The following SHISA9 variants were observed in gnomAD, a reference collection of about 807,000 sequenced individuals.
The protein encoded by SHISA9 is shisa family member 9.
In SHISA9, 13 loss-of-function variants were observed where a neutral mutation model predicts 38.0. That is an observed-to-expected ratio of 0.34 (90% confidence interval 0.22 to 0.54). The LOEUF is 0.54. Among genes scored for constraint, SHISA9 ranks in the 20% least tolerant of loss-of-function variants. SHISA9 has a pLI of 0.91. For synonymous variants in SHISA9, 275 were observed against 242.0 expected, an observed-to-expected ratio of 1.14 and a Z score of -1.27; for missense variants, 538 against 575.8, an observed-to-expected ratio of 0.93 and a Z score of 0.67.
chr16:13,494,010 A>G, the SHISA9 span, among the ~76,000 whole-genome samples: 1 of 152,164 alleles, frequency 6.6e-6, no homozygotes, highest in Non-Finnish European at 1.5e-5. Context: ...ATGGTGGAGG[A>G]TGCAACAAAA....
intron 2 of SHISA9, among the ~76,000 whole-genome samples, chr16:12,984,058 G>A (rs11649302): frequency 0.18 from 27,917 of 151,914 alleles, 3,319 homozygotes; most frequent in Middle Eastern, 0.31. Flanking sequence ...TGGAGTTCTA[G>A]TCCATCTGGG....
rs574236371 is a variant in SHISA9, at chr16:13,150,340, C to T, written c.692-53054C>T. The stretch of plus-strand genomic sequence containing the variant: ...AATGCCACTTGTCATGGAGAGCCTT[C>T]CCTGACACCCCCAGGCAGACTTGGG... On this transcript the variant is annotated intron_variant, in intron 2 of 4. Coordinates refer to ENST00000558583, the MANE Select transcript of SHISA9 (RefSeq NM_001145204.3). Among the ~76,000 whole-genome samples, 23 of 152,258 alleles carry T rather than the reference C, an allele frequency of 1.5e-4. No homozygotes were observed. In the South Asian group the frequency reaches 4.8e-3, roughly 32 times the overall value.
chr16:13,363,646 A>T, the SHISA9 span, among the ~76,000 whole-genome samples: 1 of 152,212 alleles, frequency 6.6e-6, no homozygotes, highest in African/African-American at 2.4e-5. Flanking sequence ...AAATGCAGGG[A>T]TATGGGATCA....
chr16:13,400,826 GC>G, the SHISA9 span, among the ~76,000 whole-genome samples: 35 of 152,244 alleles, frequency 2.3e-4, no homozygotes, highest in African/African-American at 8.2e-4. Context: ...GCTGCACAGA[GC>G]AGGGAGGAAG....
chr16:13,290,758 C>T, the SHISA9 span, among the ~76,000 whole-genome samples: 1 of 152,132 alleles, frequency 6.6e-6, no homozygotes, highest in Admixed American at 6.6e-5. Flanking sequence ...GAGCTAGAGT[C>T]ACACAATCAG....
the SHISA9 span, among the ~76,000 whole-genome samples, chr16:13,266,204 C>G: frequency 1.3e-5 from 2 of 152,140 alleles, no homozygotes; most frequent in African/African-American, 4.8e-5. Flanking sequence ...GGGCACATTC[C>G]CAAAGGCAAG....
At chr16:13,438,572 A>T in the SHISA9 span, among the ~76,000 whole-genome samples, 1 of 152,250 alleles carries the variant, frequency 6.6e-6, no homozygotes, top group Non-Finnish European at 1.5e-5. Flanking sequence ...GTCCTTACAG[A>T]AATGTAACTG....
the SHISA9 span, among the ~76,000 whole-genome samples, chr16:13,392,533 C>T: frequency 2.2e-4 from 33 of 152,148 alleles, no homozygotes; most frequent in Admixed American, 1.9e-3. Context: ...GGGACTACAG[C>T]ATGGAATCAG....
chr16:12,970,785 G>A (rs191605434), intron 2 of SHISA9, among the ~76,000 whole-genome samples: 4,410 of 151,588 alleles, frequency 0.029, 188 homozygotes, highest in African/African-American at 0.1. Flanking sequence ...CAGCCTCCCA[G>A]AGTGCTGGGA....
At chr16:13,159,755 CT>C (rs1414144943) in intron 2 of SHISA9, among the ~76,000 whole-genome samples, 134 of 152,338 alleles carry the variant, frequency 8.8e-4, no homozygotes, top group African/African-American at 3.1e-3. Context: ...TGCCCATTCT[CT>C]AAGGCCGAGG....
chr16:13,552,690 G>A, the SHISA9 span, among the ~76,000 whole-genome samples: 2 of 152,132 alleles, frequency 1.3e-5, no homozygotes, highest in African/African-American at 4.8e-5. Context: ...GGGTGGTGGA[G>A]CCTGGGGTGC....
chr16:13,383,805 A>G, the SHISA9 span, among the ~76,000 whole-genome samples: 1 of 152,028 alleles, frequency 6.6e-6, no homozygotes, highest in Non-Finnish European at 1.5e-5. Context: ...GCGAGCCACT[A>G]TGCCTGGCTG....
At chr16:13,282,104 G>A in the SHISA9 span, among the ~76,000 whole-genome samples, 2 of 151,810 alleles carry the variant, frequency 1.3e-5, no homozygotes, top group African/African-American at 4.8e-5. Context: ...TCACTCTTTT[G>A]AGTACATTCA....
chr16:13,104,716 G>A (rs182189957), intron 2 of SHISA9, among the ~76,000 whole-genome samples: 4 of 152,180 alleles, frequency 2.6e-5, no homozygotes, highest in Non-Finnish European at 4.4e-5. Flanking sequence ...AAGATTAACA[G>A]CAAATGATCA....
the SHISA9 span, among the ~76,000 whole-genome samples, chr16:13,500,542 A>C: frequency 6.6e-6 from 1 of 151,648 alleles, no homozygotes; most frequent in Non-Finnish European, 1.5e-5. Context: ...AGGATTTTCC[A>C]GGCACAGCAA....
chr16:13,086,956 C>T (rs2073717793), intron 2 of SHISA9, among the ~76,000 whole-genome samples: 2 of 149,228 alleles, frequency 1.3e-5, no homozygotes, highest in South Asian at 4.3e-4. Flanking sequence ...AATGCTATCC[C>T]TCCCCAAGCC....
At chr16:13,080,716 G>A (rs1237377827) in intron 2 of SHISA9, among the ~76,000 whole-genome samples, 2 of 152,188 alleles carry the variant, frequency 1.3e-5, no homozygotes, top group South Asian at 2.1e-4. Flanking sequence ...AACTTTTGCT[G>A]GCTATTGACT....
the SHISA9 span, among the ~76,000 whole-genome samples, chr16:13,477,477 A>G: frequency 6.6e-6 from 1 of 152,220 alleles, no homozygotes. Context: ...GCAGGGAACT[A>G]TGATGTGTTT....
chr16:13,059,851 A>T (rs1032166079), intron 2 of SHISA9, among the ~76,000 whole-genome samples: 4 of 152,064 alleles, frequency 2.6e-5, no homozygotes, highest in African/African-American at 7.2e-5. Flanking sequence ...ACACAGGGAG[A>T]AGGCAGCCAT....
Sources: allele counts gnomAD v4.1 joint callset (sites outside exome capture counted in the v4.1 genomes callset), GRCh38; gene constraint gnomAD v4.1.1; transcripts MANE v1.5; gene names NCBI Gene and HGNC (gene_info 2026-07-23, HGNC 2026-07-21).